Variants in STAU2 observed in about 807,000 individuals in gnomAD.
STAU2 encodes the protein double-stranded RNA-binding protein Staufen homolog 2.
STAU2 carries 20 observed loss-of-function variants against 65.9 expected under a neutral mutation model. That is an observed-to-expected ratio of 0.30 (90% CI 0.21 to 0.44). The LOEUF (loss-of-function observed/expected upper bound fraction) is 0.44, where lower values mean the gene tolerates loss of function less well. STAU2 is among the 20% of genes least tolerant of loss of function. The pLI is 1.00. For synonymous variants in STAU2, 232 were observed against 233.9 expected (o/e 0.99, Z 0.07); for missense variants, 558 against 683.9 (o/e 0.82, Z 2.05).
chr8:73,744,173 A>G (rs1287429953), intron 1 of STAU2, among the ~76,000 whole-genome samples: 1 of 152,200 alleles, frequency 6.6e-6, no homozygotes, highest in African/African-American at 2.4e-5. Flanking sequence ...AGGACAACAT[A>G]ATGGCAAAGC....
At position 73,606,100 on chromosome 8, in the gene STAU2, T is replaced by C. The variant is rs555913972; in HGVS notation, c.892-2237A>G. On this transcript the variant is annotated intron_variant, in intron 9 of 14. Transcript: ENST00000524300. ...ACTCAAAATGCCTCACAGACGTAAA[T>C]GTAATTTCTAAAACTATAAGATTTC... Among the ~76,000 whole-genome samples, 4 of 152,156 alleles carry C rather than the reference T, an allele frequency of 2.6e-5. No homozygotes were observed. In the South Asian group the frequency reaches 8.3e-4, roughly 32 times the overall value.
At chr8:73,523,210 A>AAAAAAAAAAG (rs1563400470) in intron 13 of STAU2, among the ~76,000 whole-genome samples, 2 of 145,412 alleles carry the variant, frequency 1.4e-5, no homozygotes. Flanking sequence ...AAAAAAAAAA[A>AAAAAAAAAAG]AAAAAAAAAG....
At chr8:73,687,355 A>AAT (rs1818971247) in intron 5 of STAU2, among the ~76,000 whole-genome samples, 1 of 17,332 alleles carries the variant, frequency 5.8e-5, no homozygotes, top group Non-Finnish European at 9.8e-5. Context: ...TATAATTTAT[A>AAT]TAATATAAAT....
At chr8:73,545,858 A>C (rs1294179240) in intron 13 of STAU2, among the ~76,000 whole-genome samples, 1 of 151,342 alleles carries the variant, frequency 6.6e-6, no homozygotes, top group African/African-American at 2.4e-5. Flanking sequence ...CGTGTTAGCC[A>C]GGATGGTTTC....
chr8:73,584,173 A>G (rs775569132), intron 11 of STAU2, among the ~76,000 whole-genome samples: 3 of 152,206 alleles, frequency 2.0e-5, no homozygotes, highest in South Asian at 4.1e-4. Flanking sequence ...AACAACCAGC[A>G]GCTTCATATG....
chr8:73,433,645 C>T lies in STAU2; in HGVS notation c.1531-10943G>A, dbSNP rs968070347. 1.1e-4 allele frequency among the ~76,000 whole-genome samples: 17 copies of T among 151,556 alleles called. No individual in the cohort carries two copies. The East Asian group carries it at 1.4e-3, about 12-fold the overall frequency. ...CCTCCCGAGTAGCTGGGATTAGAGGCGTGCATCACTATGCCTGAGAAATTT... is the reference window on the plus strand; with the variant it reads ...CCTCCCGAGTAGCTGGGATTAGAGGTGTGCATCACTATGCCTGAGAAATTT... On this transcript the variant is annotated intron_variant, in intron 13 of 14. Transcript: ENST00000524300.
chr8:73,516,092 C>T (rs1332632333), intron 13 of STAU2, among the ~76,000 whole-genome samples: 3 of 151,848 alleles, frequency 2.0e-5, no homozygotes, highest in Admixed American at 6.6e-5. Context: ...CACCACCATG[C>T]CCAACTAATT....
intron 12 of STAU2, among the ~76,000 whole-genome samples, chr8:73,552,801 C>T (rs1807432621): frequency 6.6e-6 from 1 of 152,180 alleles, no homozygotes; most frequent in South Asian, 2.1e-4. Context: ...TAGTGATCCT[C>T]TCACCTCCAC....
intron 3 of STAU2, among the ~76,000 whole-genome samples, chr8:73,733,981 A>G (rs2130761248): frequency 6.6e-6 from 1 of 152,282 alleles, no homozygotes; most frequent in African/African-American, 2.4e-5. Flanking sequence ...CACTAACTAC[A>G]ATATAAAAAT....
chr8:73,731,171 C>T (rs528827097), intron 3 of STAU2, among the ~76,000 whole-genome samples: 20 of 152,310 alleles, frequency 1.3e-4, no homozygotes, highest in African/African-American at 4.8e-4. Flanking sequence ...GCCTGTCAAG[C>T]ATCTACGAAA....
chr8:73,609,940 A>T (rs1812322850), intron 9 of STAU2, among the ~76,000 whole-genome samples: 1 of 152,164 alleles, frequency 6.6e-6, no homozygotes. Context: ...AAAGAATCAG[A>T]TACATAAATC....
Position 73,615,753 on chromosome 8 carries a change from A to G in STAU2, c.600T>C (p.Asp200=). 6.2e-7 allele frequency: 1 copy of G among 1,613,542 alleles called. No homozygotes were observed. Among genetic ancestry groups the G allele is most frequent in the Non-Finnish European group, 8.5e-7 (1 of 1,179,812 alleles). The part of the protein sequence containing the change: ...QNGESGKDVD[D]DKDANKSEIS... The stretch of plus-strand genomic sequence containing the variant: ...TCTCAGACTTATTTGCATCTTTGTC[A>G]TCATCCACATCCTTTCCTGATTCAC... The change falls in exon 8 of 15, where the codon GAT becomes GAC. Residue 200 remains aspartate, a synonymous_variant. Transcript: ENST00000524300.
intron 12 of STAU2, among the ~76,000 whole-genome samples, chr8:73,563,722 C>A (rs1281878362): frequency 6.6e-6 from 1 of 151,962 alleles, no homozygotes. Context: ...CTATGTTGCC[C>A]AGGCTGGTCT....
chr8:73,625,281 T>A (rs943059692), intron 6 of STAU2, among the ~76,000 whole-genome samples: 1 of 152,184 alleles, frequency 6.6e-6, no homozygotes, highest in Non-Finnish European at 1.5e-5. Flanking sequence ...TACAGCAGCA[T>A]TATTCCTAAT....
intron 13 of STAU2, among the ~76,000 whole-genome samples, chr8:73,508,151 C>T (rs563698509): frequency 2.6e-5 from 4 of 152,270 alleles, no homozygotes; most frequent in African/African-American, 9.6e-5. Flanking sequence ...TCTTCTGTAC[C>T]CACAACTTGG....
At chr8:73,530,665 A>G (rs1031545015) in intron 13 of STAU2, among the ~76,000 whole-genome samples, 3 of 152,204 alleles carry the variant, frequency 2.0e-5, no homozygotes, top group South Asian at 2.1e-4. Context: ...TTAGAAGCAC[A>G]TGAAAATACA....
At chr8:73,619,095 A>C (rs1813045122) in intron 6 of STAU2, among the ~76,000 whole-genome samples, 1 of 152,182 alleles carries the variant, frequency 6.6e-6, no homozygotes. Context: ...AGATAGAAAT[A>C]ATATTTGGGA....
At chr8:73,745,762 G>C (rs1244919309) in intron 1 of STAU2, among the ~76,000 whole-genome samples, 1 of 151,986 alleles carries the variant, frequency 6.6e-6, no homozygotes, top group Non-Finnish European at 1.5e-5. Context: ...TGGGGATGGG[G>C]GTAAGGGGAC....
At chr8:73,694,842 T>C (rs1361021717) in intron 4 of STAU2, among the ~76,000 whole-genome samples, 22 of 152,306 alleles carry the variant, frequency 1.4e-4, no homozygotes, top group Non-Finnish European at 2.9e-5. Flanking sequence ...AACTCAGTGC[T>C]GCCCTGTCAC....
Sources: allele counts gnomAD v4.1 joint callset (sites outside exome capture counted in the v4.1 genomes callset), GRCh38; gene constraint gnomAD v4.1.1; transcripts MANE v1.5; gene names NCBI Gene and HGNC (gene_info 2026-07-23, HGNC 2026-07-21).